KCNAB2: variants seen among roughly 807,000 people sequenced by gnomAD.
The protein encoded by KCNAB2 is potassium voltage-gated channel subfamily A regulatory beta subunit 2.
Under a neutral mutation model 63.6 loss-of-function variants are expected in KCNAB2, and 29 were observed. The observed-to-expected ratio is 0.46, with a 90% CI of 0.34 to 0.62. The LOEUF (loss-of-function observed/expected upper bound fraction) is 0.62, where lower values mean the gene tolerates loss of function less well. Among genes scored for constraint, KCNAB2 ranks in the 20% least tolerant of loss-of-function variants. The pLI is 0.01. For missense variants in KCNAB2, 359 were observed against 563.9 expected, an observed-to-expected ratio of 0.64 and a Z score of 3.68; for synonymous variants, 222 against 224.2, an observed-to-expected ratio of 0.99 and a Z score of 0.09.
rs777275697 is a variant in KCNAB2 at position 6,099,975 on chromosome 1, G to A, written c.*1401G>A. ...AGTACCCAGGCTTTGCAGACCACGC[G>A]GGGCAGGGCTCCACTGAAGCCACCC... On this transcript the variant is annotated 3_prime_UTR_variant, in exon 16 of 16. Coordinates refer to ENST00000378083, the MANE Select transcript of KCNAB2 (RefSeq NM_001199862.2). 2.6e-5 allele frequency: 41 copies of A among 1,548,816 alleles called. No homozygotes were observed. The highest frequency in any genetic ancestry group is 2.0e-4 in the South Asian group (17 of 83,900).
chr1:6,097,241 T>A (rs1171793317), intron 14 of KCNAB2, 28 bp from the exon 15 acceptor site: 1 of 1,519,406 alleles, frequency 6.6e-7, no homozygotes, highest in East Asian at 2.5e-5. Context: ...TGGGTGTTTC[T>A]CCCTCACCTT....
intron 6 of KCNAB2, 80 bp downstream of exon 6, chr1:6,085,328 G>A (rs375700932): frequency 9.8e-5 from 126 of 1,291,722 alleles, no homozygotes; most frequent in Middle Eastern, 4.7e-4. Flanking sequence ...TCGGCCTGTC[G>A]TGCAGTGTCG....
chr1:5,995,703 C>G lies in KCNAB2; in HGVS notation c.-53+2915C>G, dbSNP rs114267030. Among the ~76,000 whole-genome samples, 848 of 152,296 alleles carry G rather than the reference C, an allele frequency of 5.6e-3. 2 individuals carry two copies. The highest frequency in any genetic ancestry group is 0.019 in the African/African-American group (794 of 41,552). ...GGATGAAGGAAAGGAGGGACCCTCC[C>G]CACACTGGAACTACACTCATGACCT... On this transcript the variant is annotated intron_variant, in intron 1 of 16. Coordinates refer to the KCNAB2 transcript ENST00000341524.
intron 1 of KCNAB2, among the ~76,000 whole-genome samples, chr1:5,993,145 C>T (rs1441187347): frequency 6.6e-6 from 1 of 151,120 alleles, no homozygotes; most frequent in African/African-American, 2.4e-5. Context: ...CCTCCCCTTT[C>T]CTCCATCCTC....
At chr1:6,075,167 G>A (rs545714091) in intron 4 of KCNAB2, among the ~76,000 whole-genome samples, 1 of 152,246 alleles carries the variant, frequency 6.6e-6, no homozygotes, top group African/African-American at 2.4e-5. Flanking sequence ...TTTCCCTTTC[G>A]ATGTGGTTTC....
intron 1 of KCNAB2, among the ~76,000 whole-genome samples, chr1:6,012,143 A>G (rs61760774): frequency 0.74 from 107,567 of 144,680 alleles, 40,618 homozygotes; most frequent in East Asian, 0.95. Flanking sequence ...GACGGGTGGA[A>G]GTGGAGGTGA....
chr1:6,038,275 T>G (rs1660217042), intron 1 of KCNAB2, among the ~76,000 whole-genome samples: 1 of 151,810 alleles, frequency 6.6e-6, no homozygotes, highest in South Asian at 2.1e-4. Flanking sequence ...CTGCATCTTC[T>G]GTCCTTGTTT....
chr1:6,087,229 A>T lies in KCNAB2; in HGVS notation c.426-238A>T, dbSNP rs1228138000. ...CTAGGCCCCCCACTGTCCAACTCCC[A>T]CTGCCTGACTCACAGTTACTGCCTC... On this transcript the variant is annotated intron_variant, in intron 6 of 15. Transcript: ENST00000378083. The surrounding 1 kb of genome is among the most constrained non-coding windows in gnomAD (Gnocchi z 6.4). Among the ~76,000 whole-genome samples, 2 of 150,282 alleles carry T rather than the reference A, an allele frequency of 1.3e-5. No individual in the cohort carries two copies. Among genetic ancestry groups the T allele is most frequent in the African/African-American group, 4.9e-5 (2 of 40,738 alleles).
chr1:6,077,889 A>G (rs1334933324), intron 4 of KCNAB2, among the ~76,000 whole-genome samples: 1 of 152,228 alleles, frequency 6.6e-6, no homozygotes, highest in African/African-American at 2.4e-5. Flanking sequence ...TGCTGTGGAG[A>G]GGGTGCGAGC....
chr1:6,089,182 C>G, intron 8 of KCNAB2, 131 bp downstream of exon 8: 1 of 996,736 alleles, frequency 1.0e-6, no homozygotes, highest in East Asian at 2.6e-5. Context: ...GCACCCGGTG[C>G]TCTGGCCTGA....
rs1665519322 is a variant in KCNAB2 at position 6,095,252 on chromosome 1, C to G, written c.733-71C>G. 3 of 1,517,528 alleles carry G rather than the reference C, an allele frequency of 2.0e-6. No individual in the cohort carries two copies. The South Asian group carries it at 3.7e-5, about 19-fold the overall frequency. The allele number at this position is 1,517,528 out of a possible 1,614,324, so 94.0% of individuals were successfully genotyped here. On this transcript the variant is annotated intron_variant, in intron 11 of 15. Coordinates refer to ENST00000378083, the MANE Select transcript of KCNAB2 (RefSeq NM_001199862.2). ...CTCCGGGGACACCTTGGTGCCCTCT[C>G]CATGGCTGCCCCGGCAGCCTCCCGC...
chr1:6,075,555 A>G (rs1037240952), intron 4 of KCNAB2, among the ~76,000 whole-genome samples: 3 of 152,256 alleles, frequency 2.0e-5, no homozygotes, highest in African/African-American at 7.2e-5. Context: ...AAATTTTTGT[A>G]TTAATCCTAT....
chr1:6,083,535 A>G (rs1181000506), intron 5 of KCNAB2, among the ~76,000 whole-genome samples: 1 of 152,102 alleles, frequency 6.6e-6, no homozygotes, highest in Non-Finnish European at 1.5e-5. Context: ...TTGCCAGAAG[A>G]CCGGGGAGTC....
At chr1:6,018,998 CTG>C (rs1370017892) in intron 1 of KCNAB2, among the ~76,000 whole-genome samples, 1 of 152,186 alleles carries the variant, frequency 6.6e-6, no homozygotes, top group African/African-American at 2.4e-5. Context: ...TCGTTTAAAA[CTG>C]TAAAAATTGG....
intron 1 of KCNAB2, among the ~76,000 whole-genome samples, chr1:6,022,149 T>C (rs968553413): frequency 3.3e-5 from 5 of 151,564 alleles, no homozygotes; most frequent in African/African-American, 1.2e-4. Flanking sequence ...TGGTATTGAG[T>C]GTACAGTTCA....
At chr1:6,059,004 C>G (rs1323727199) in intron 2 of KCNAB2, among the ~76,000 whole-genome samples, 1 of 152,144 alleles carries the variant, frequency 6.6e-6, no homozygotes. Context: ...CCAGCCCCAG[C>G]TTCCCTAAAG....
intron 1 of KCNAB2, among the ~76,000 whole-genome samples, chr1:6,001,411 G>A (rs956974824): frequency 1.2e-4 from 19 of 152,138 alleles, no homozygotes; most frequent in Admixed American, 1.2e-3. Flanking sequence ...GGAAGGTTCT[G>A]GCTAAGCCTC....
At chr1:6,045,854 C>T (rs1254063896), upstream of KCNAB2, 1 of 976,664 alleles carries the variant, frequency 1.0e-6, no homozygotes, top group East Asian at 1.1e-4. This position sits in a 1 kb window ranked among gnomAD's most constrained non-coding sequence, Gnocchi z 4.8. Context: ...ACCTCCCCCT[C>T]ACCTTGGGCT....
intron 1 of KCNAB2, among the ~76,000 whole-genome samples, chr1:6,008,237 G>A (rs932867376): frequency 4.0e-5 from 6 of 151,890 alleles, no homozygotes; most frequent in African/African-American, 9.7e-5. Flanking sequence ...GAAAGGACCC[G>A]CCCCCCCATC....
Sources: allele counts gnomAD v4.1 joint callset (sites outside exome capture counted in the v4.1 genomes callset), GRCh38; gene constraint gnomAD v4.1.1; non-coding constraint Gnocchi (gnomAD v3.1); transcripts MANE v1.5; gene names NCBI Gene and HGNC (gene_info 2026-07-23, HGNC 2026-07-21).